ARPP21: variants seen among roughly 807,000 people sequenced by gnomAD.
ARPP21 encodes the protein cAMP regulated phosphoprotein 21, also known as cAMP-regulated phosphoprotein 21.
Under a neutral mutation model 113.2 loss-of-function variants are expected in ARPP21, and 69 were observed. The observed-to-expected ratio is 0.61, with a 90% CI of 0.50 to 0.74. The LOEUF is 0.74. ARPP21 is among the 30% of genes least tolerant of loss of function. The pLI is 0.00. For synonymous variants in ARPP21, 368 were observed against 375.5 expected (o/e 0.98, Z 0.23); for missense variants, 1,070 against 1,037.4 (o/e 1.03, Z -0.43).
At chr3:35,672,742 C>A (rs1442790772) in intron 1 of ARPP21, among the ~76,000 whole-genome samples, 1 of 151,984 alleles carries the variant, frequency 6.6e-6, no homozygotes, top group Non-Finnish European at 1.5e-5. Flanking sequence ...AAGAATGATT[C>A]ATCTGCTTTT....
intron 1 of ARPP21, among the ~76,000 whole-genome samples, chr3:35,642,784 A>C (rs1490273426): frequency 2.6e-5 from 4 of 152,142 alleles, no homozygotes; most frequent in Non-Finnish European, 5.9e-5. Flanking sequence ...CTGCCTTGTG[A>C]ATTGCTTCAT....
chr3:35,733,011 A>G (rs1251286565), intron 15 of ARPP21, among the ~76,000 whole-genome samples: 1 of 152,138 alleles, frequency 6.6e-6, no homozygotes, highest in Non-Finnish European at 1.5e-5. Flanking sequence ...TCTAAAGACT[A>G]GGAAAAGAAA....
At chr3:35,719,074 A>T (rs897041453) in intron 13 of ARPP21, among the ~76,000 whole-genome samples, 1 of 152,004 alleles carries the variant, frequency 6.6e-6, no homozygotes, top group Non-Finnish European at 1.5e-5. Flanking sequence ...TCCCATTGCT[A>T]TCATCTTCCT....
At chr3:35,741,596 G>A (rs923863068) in intron 18 of ARPP21, among the ~76,000 whole-genome samples, 4 of 152,292 alleles carry the variant, frequency 2.6e-5, no homozygotes, top group Middle Eastern at 3.4e-3. Context: ...GCACATGGAC[G>A]AGACAAAGAG....
intron 1 of ARPP21, among the ~76,000 whole-genome samples, chr3:35,647,864 A>T (rs1700834227): frequency 6.6e-6 from 1 of 152,178 alleles, no homozygotes; most frequent in African/African-American, 2.4e-5. Flanking sequence ...TTTCTCATTT[A>T]TGAGGTGGGA....
intron 15 of ARPP21, 137 bp downstream of exon 15, chr3:35,729,673 T>C: frequency 1.4e-6 from 1 of 710,460 alleles, no homozygotes; most frequent in Non-Finnish European, 2.4e-6. Flanking sequence ...TATGAAGCAT[T>C]TTTGTTTAGA....
chr3:35,745,367 A>G (rs1327698508), intron 19 of ARPP21, among the ~76,000 whole-genome samples: 1 of 152,208 alleles, frequency 6.6e-6, no homozygotes, highest in African/African-American at 2.4e-5. Flanking sequence ...TTAATTTACA[A>G]TCTTGAGGAT....
intron 9 of ARPP21, among the ~76,000 whole-genome samples, chr3:35,700,002 C>A (rs1329975207): frequency 6.6e-6 from 1 of 151,640 alleles, no homozygotes; most frequent in Non-Finnish European, 1.5e-5. Flanking sequence ...AATTTTGGAT[C>A]AATAATAATG....
chr3:35,713,007 T>C (rs968546253), intron 11 of ARPP21, among the ~76,000 whole-genome samples: 1 of 152,176 alleles, frequency 6.6e-6, no homozygotes, highest in Non-Finnish European at 1.5e-5. Context: ...CCTCCTAACA[T>C]GTGCTGGGAC....
At chr3:35,675,993 A>G (rs551757471) in intron 1 of ARPP21, among the ~76,000 whole-genome samples, 2 of 151,958 alleles carry the variant, frequency 1.3e-5, no homozygotes, top group South Asian at 4.1e-4. Context: ...TCTGCCTTTG[A>G]TCTGTAGGTG....
At chr3:35,640,648 A>C (rs1021530179) in intron 1 of ARPP21, among the ~76,000 whole-genome samples, 1 of 152,190 alleles carries the variant, frequency 6.6e-6, no homozygotes, top group African/African-American at 2.4e-5. Flanking sequence ...AATGATTTTC[A>C]TCAGAGAAGT....
chr3:35,786,274 G>A (rs559773089), intron 19 of ARPP21, among the ~76,000 whole-genome samples: 34 of 152,066 alleles, frequency 2.2e-4, no homozygotes, highest in South Asian at 8.3e-4. Flanking sequence ...CTGTAATCCC[G>A]GCACTTTGGG....
At position 35,664,266 on chromosome 3, in the gene ARPP21, A is replaced by T. The variant is rs114014174; in HGVS notation, c.-212-15521A>T. ...TCGAATCAGAGTAATTAGCATATCC[A>T]TCACCTCAAATATTTGTCATTTCTT... On this transcript the variant is annotated intron_variant, in intron 1 of 20. Transcript: ENST00000684406. 2.1e-3 allele frequency among the ~76,000 whole-genome samples: 327 copies of T among 152,310 alleles called. 3 individuals are homozygous for T. Among genetic ancestry groups the T allele is most frequent in the African/African-American group, 7.7e-3 (322 of 41,566 alleles).
intron 14 of ARPP21, among the ~76,000 whole-genome samples, chr3:35,725,334 A>C (rs2093443201): frequency 6.6e-6 from 1 of 152,214 alleles, no homozygotes; most frequent in Non-Finnish European, 1.5e-5. Context: ...TACATCTCAA[A>C]GGAGCATAAA....
intron 19 of ARPP21, among the ~76,000 whole-genome samples, chr3:35,779,103 C>T (rs2096461374): frequency 6.6e-6 from 1 of 152,058 alleles, no homozygotes; most frequent in Non-Finnish European, 1.5e-5. Flanking sequence ...TTTCTTTCTC[C>T]CTAATGGCTT....
chr3:35,701,424 G>A (rs936350088), intron 9 of ARPP21, among the ~76,000 whole-genome samples: 2 of 151,670 alleles, frequency 1.3e-5, no homozygotes, highest in Non-Finnish European at 2.9e-5. Flanking sequence ...GTTTTGTTAA[G>A]CTAAGTATAT....
intron 18 of ARPP21, among the ~76,000 whole-genome samples, chr3:35,743,544 A>G (rs2094813208): frequency 6.6e-6 from 1 of 152,158 alleles, no homozygotes; most frequent in Non-Finnish European, 1.5e-5. Flanking sequence ...TTCCCCGCCT[A>G]CAGACGTGGA....
Position 35,792,474 on chromosome 3 carries a change from C to T in ARPP21, c.2230C>T (p.Gln744Ter). The T allele has an allele frequency of 6.2e-7, 1 of 1,613,994 alleles. No homozygotes were observed. The highest frequency in any genetic ancestry group is 8.5e-7 in the Non-Finnish European group (1 of 1,179,876). The change falls in exon 20 of 21, where the codon CAA (glutamine) becomes TAA (stop). Residue 744 changes from glutamine (Q) to a stop codon, truncating the protein, a stop_gained. Transcript: ENST00000684406. LOFTEE classifies it high-confidence loss of function. ...GAGTCAGAACGTGATAAATAACCAA[C>T]AAGGAACTCCGGTGCAAAGCGTGAT... ...PQSQNVINNQ[Q>*]GTPVQSVMVS...
chr3:35,793,271 C>A (rs147573369), intron 20 of ARPP21, among the ~76,000 whole-genome samples: 255 of 152,272 alleles, frequency 1.7e-3, no homozygotes, highest in African/African-American at 5.8e-3. Flanking sequence ...GCCCTTTTCA[C>A]TGTGGAGGAC....
Sources: gnomAD v4.1 joint callset for allele counts (sites outside exome capture counted in the v4.1 genomes callset) on GRCh38, gnomAD v4.1.1 for gene constraint, MANE v1.5 for transcripts, NCBI Gene and HGNC (gene_info 2026-07-23, HGNC 2026-07-21) for gene names.